Variants in SPG21 observed in about 807,000 individuals in gnomAD.
SPG21 encodes the protein SPG21 abhydrolase domain containing, maspardin, also known as maspardin.
SPG21 carries 26 observed loss-of-function variants against 38.9 expected under a neutral mutation model. The observed-to-expected ratio is 0.67, with a 90% CI of 0.49 to 0.93. The LOEUF (loss-of-function observed/expected upper bound fraction) is 0.93. Among genes scored for constraint, SPG21 ranks in the 40% least tolerant of loss-of-function variants. The pLI, the probability that SPG21 is intolerant of heterozygous loss-of-function variation, is 0.00. For missense variants in SPG21, 333 were observed against 376.5 expected, an observed-to-expected ratio of 0.88 and a Z score of 0.96; for synonymous variants, 136 against 128.9, an observed-to-expected ratio of 1.05 and a Z score of -0.37.
intron 7 of SPG21, among the ~76,000 whole-genome samples, chr15:64,965,699 C>T (rs979215812): frequency 1.3e-5 from 2 of 152,060 alleles, no homozygotes; most frequent in African/African-American, 4.8e-5. Context: ...TGCTGCACAG[C>T]ATCTCCTGCA....
rs567604932 is a variant in SPG21 at position 64,963,557 on chromosome 15, G to A, written c.*63C>T. On this transcript the variant is annotated 3_prime_UTR_variant, in exon 9 of 9. Transcript: ENST00000204566. ...TGAAGGAAAAGGCTGGCTGACGGGT[G>A]CTGATGCCACTGACTATACAAGAAC... The A allele has an allele frequency of 9.4e-6, 13 of 1,381,582 alleles. 1 individual carries two copies. In the East Asian group the frequency reaches 1.4e-4, roughly 15 times the overall value. 85.6% of individuals were successfully genotyped at this position (1,381,582 alleles called of 1,614,324 possible).
intron 2 of SPG21, among the ~76,000 whole-genome samples, chr15:64,982,001 G>C (rs1380206539): frequency 1.3e-5 from 2 of 152,150 alleles, no homozygotes; most frequent in African/African-American, 4.8e-5. Flanking sequence ...ATCACTAGGA[G>C]CAGATAAATG....
At position 64,981,045 on chromosome 15, in the gene SPG21, A is replaced by G. The variant is rs1402975094; in HGVS notation, c.64-20T>C. 2 of 1,613,932 alleles carry G rather than the reference A, an allele frequency of 1.2e-6. No individual in the cohort carries two copies. The highest frequency in any genetic ancestry group is 4.5e-5 in the East Asian group (2 of 44,894). On this transcript the variant is annotated intron_variant, in intron 2 of 8. Transcript: ENST00000204566. ...AATAATCTGGAGGGAAGGTTAAAAG[A>G]AAAAAGTGGAAAACCTTATAAATTT... is the stretch of plus-strand genomic sequence containing the variant.
At chr15:64,973,287 C>T (rs2085707708) in intron 5 of SPG21, among the ~76,000 whole-genome samples, 1 of 152,030 alleles carries the variant, frequency 6.6e-6, no homozygotes, top group Non-Finnish European at 1.5e-5. Context: ...TATTTTAAGG[C>T]TAGAGCCTCG....
chr15:64,978,472 A>C (rs1356587521), intron 3 of SPG21, among the ~76,000 whole-genome samples: 2 of 151,918 alleles, frequency 1.3e-5, no homozygotes, highest in Non-Finnish European at 2.9e-5. Flanking sequence ...AAAAACAAAA[A>C]AACTCCCCCA....
intron 5 of SPG21, among the ~76,000 whole-genome samples, 185 bp from the exon 6 acceptor site, chr15:64,970,407 T>C (rs1485087311): frequency 2.6e-5 from 4 of 152,242 alleles, no homozygotes. Flanking sequence ...TATGGCTTCA[T>C]ATAATTAAAC....
At chr15:64,988,751 G>C (rs2086051558) in intron 1 of SPG21, 1 of 152,438 alleles carries the variant, frequency 6.6e-6, no homozygotes, top group Non-Finnish European at 1.5e-5. Flanking sequence ...GGGAGGCCGA[G>C]GCGGGCGGAT....
In SPG21 at chr15:64,976,516, C is replaced by T. The variant is rs1288380266; in HGVS notation, c.265G>A (p.Asp89Asn). Residue 89 changes from aspartate to asparagine, a missense_variant, in exon 4 of 9, where the codon GAT (aspartate) becomes AAT (asparagine). Asp to Asn is a conservative substitution (Grantham distance 23). Coordinates refer to ENST00000204566, the MANE Select transcript of SPG21 (RefSeq NM_016630.7). ...PVYWDHLEFCDGFRKLLDHLQ... is the reference protein window; with the variant it reads ...PVYWDHLEFCNGFRKLLDHLQ... The stretch of plus-strand genomic sequence containing the variant: ...TGGTCTAAAAGTTTTCTGAATCCAT[C>T]ACAGAACTCGAGATGGTCCCAATAA... 2 of 1,613,304 alleles carry T rather than the reference C, an allele frequency of 1.2e-6. No individual in the cohort carries two copies. The highest frequency in any genetic ancestry group is 1.7e-6 in the Non-Finnish European group (2 of 1,179,410).
At chr15:64,986,798 C>T (rs1452859190) in intron 1 of SPG21, among the ~76,000 whole-genome samples, 1 of 152,126 alleles carries the variant, frequency 6.6e-6, no homozygotes, top group Non-Finnish European at 1.5e-5. Context: ...TAATTGAAAG[C>T]AACTAGCACA....
intron 1 of SPG21, among the ~76,000 whole-genome samples, chr15:64,985,343 C>A (rs139575222): frequency 6.6e-6 from 1 of 152,184 alleles, no homozygotes; most frequent in Admixed American, 6.5e-5. Flanking sequence ...GTGCTTGGCA[C>A]ACAGCAGGCA....
chr15:64,974,465 ACT>A, intron 5 of SPG21, 135 bp downstream of exon 5: 1 of 993,126 alleles, frequency 1.0e-6, no homozygotes, highest in Non-Finnish European at 1.5e-6. Flanking sequence ...ACAGAGCAAG[ACT>A]CTGTCTCAAA....
intron 3 of SPG21, among the ~76,000 whole-genome samples, chr15:64,977,070 G>A (rs2085791408): frequency 6.6e-6 from 1 of 151,980 alleles, no homozygotes; most frequent in Non-Finnish European, 1.5e-5. Context: ...ACTTTGGGGT[G>A]TCTGTTTGTT....
At chr15:64,987,405 G>T (rs1489454268) in intron 1 of SPG21, 3 of 152,332 alleles carry the variant, frequency 2.0e-5, no homozygotes, top group South Asian at 2.1e-4. Context: ...AAACAGCTGT[G>T]AGTGGTATGA....
chr15:64,971,011 A>G (rs1439201104), intron 5 of SPG21, among the ~76,000 whole-genome samples: 14 of 151,996 alleles, frequency 9.2e-5, no homozygotes, highest in Non-Finnish European at 2.1e-4. Context: ...CAGTGCTGGG[A>G]TCACAGGCGT....
intron 3 of SPG21, among the ~76,000 whole-genome samples, chr15:64,980,607 G>A (rs189575068): frequency 6.6e-5 from 10 of 151,906 alleles, no homozygotes; most frequent in Admixed American, 5.9e-4. Context: ...GCGTAGTGGC[G>A]GGCGCCTGTA....
intron 6 of SPG21, 110 bp from the exon 7 acceptor site, chr15:64,969,472 G>A: frequency 5.0e-6 from 4 of 804,398 alleles, no homozygotes; most frequent in Non-Finnish European, 8.6e-6. Flanking sequence ...CTGTGGTGGG[G>A]CCAGAAAAGT....
intron 5 of SPG21, among the ~76,000 whole-genome samples, chr15:64,971,107 C>T (rs2085652091): frequency 6.6e-6 from 1 of 152,138 alleles, no homozygotes. Flanking sequence ...GTTGCCCAGG[C>T]TGAAGTGCAG....
At chr15:64,972,305 A>G (rs956024711) in intron 5 of SPG21, among the ~76,000 whole-genome samples, 1 of 152,204 alleles carries the variant, frequency 6.6e-6, no homozygotes, top group Non-Finnish European at 1.5e-5. Context: ...CTGGATCCTC[A>G]GTGTGTGGCA....
At chr15:64,984,647 C>T (rs1231098691) in intron 1 of SPG21, among the ~76,000 whole-genome samples, 4 of 152,064 alleles carry the variant, frequency 2.6e-5, no homozygotes, top group Admixed American at 6.5e-5. Context: ...CTACCACACC[C>T]AGCCTAGAGA....
Sources: allele counts gnomAD v4.1 joint callset (sites outside exome capture counted in the v4.1 genomes callset), GRCh38; gene constraint gnomAD v4.1.1; transcripts MANE v1.5; gene names NCBI Gene and HGNC (gene_info 2026-07-23, HGNC 2026-07-21).